The following LDB2 variants were observed in gnomAD, a reference collection of about 807,000 sequenced individuals.
The protein encoded by LDB2 is LIM domain-binding protein 2.
LDB2 carries 12 observed loss-of-function variants against 44.3 expected under a neutral mutation model. The observed-to-expected ratio is 0.27, with a 90% CI of 0.17 to 0.44. The LOEUF is 0.44. Among genes scored for constraint, LDB2 ranks in the 20% least tolerant of loss-of-function variants. The probability of loss-of-function intolerance (pLI) is 1.00; values close to 1 mark genes in which losing one functional copy is unlikely to be tolerated. For missense variants in LDB2, 344 were observed against 473.5 expected, an observed-to-expected ratio of 0.73 and a Z score of 2.54; for synonymous variants, 164 against 174.8, an observed-to-expected ratio of 0.94 and a Z score of 0.49.
At chr4:16,862,633 CAAAAAAAAAAAAAAAAAA>C (rs58157857) in intron 1 of LDB2, among the ~76,000 whole-genome samples, 6 of 45,078 alleles carry the variant, frequency 1.3e-4, no homozygotes, top group African/African-American at 3.7e-4. Context: ...AATTCCATCT[CAAAAAAAAAAAAAAAAAA>C]AAAAAAAAAA....
intron 1 of LDB2, among the ~76,000 whole-genome samples, chr4:16,808,295 T>A (rs1221807403): frequency 6.6e-6 from 1 of 152,118 alleles, no homozygotes; most frequent in African/African-American, 2.4e-5. Flanking sequence ...TAGATATGAT[T>A]TTATTAGTTT....
intron 1 of LDB2, chr4:16,888,678 T>C: frequency 1.0e-6 from 1 of 978,310 alleles, no homozygotes; most frequent in South Asian, 4.7e-5. Flanking sequence ...ACTTACATTA[T>C]TTAATTTGCT....
At chr4:16,525,421 C>G (rs542396199) in intron 5 of LDB2, among the ~76,000 whole-genome samples, 2 of 152,346 alleles carry the variant, frequency 1.3e-5, no homozygotes, top group South Asian at 2.1e-4. Context: ...CAATTGCTCC[C>G]CAGCCATTCC....
intron 5 of LDB2, among the ~76,000 whole-genome samples, chr4:16,537,731 T>C (rs978416936): frequency 3.9e-5 from 6 of 152,128 alleles, no homozygotes; most frequent in African/African-American, 7.2e-5. Context: ...AACTGAGGTG[T>C]AGAACTTATG....
chr4:16,873,512 A>T (rs1272888312), intron 1 of LDB2, among the ~76,000 whole-genome samples: 1 of 152,026 alleles, frequency 6.6e-6, no homozygotes, highest in Non-Finnish European at 1.5e-5. Flanking sequence ...AAAAAAAAAA[A>T]TGTTCTTTGT....
chr4:16,783,485 A>G (rs1773741027), intron 1 of LDB2, among the ~76,000 whole-genome samples: 1 of 152,248 alleles, frequency 6.6e-6, no homozygotes, highest in Non-Finnish European at 1.5e-5. Context: ...ACTTGGTGCC[A>G]TTCATGCCTG....
At chr4:16,578,736 T>A (rs995142135) in intron 5 of LDB2, among the ~76,000 whole-genome samples, 2 of 152,200 alleles carry the variant, frequency 1.3e-5, no homozygotes, top group Admixed American at 6.5e-5. Flanking sequence ...GTCAAAGAGA[T>A]AGCTGCACTC....
chr4:16,791,288 G>A (rs1775647838), intron 1 of LDB2, among the ~76,000 whole-genome samples: 1 of 152,062 alleles, frequency 6.6e-6, no homozygotes, highest in Non-Finnish European at 1.5e-5. Context: ...TGGGCGGGGT[G>A]ACTCACACCT....
chr4:16,578,210 A>G (rs1712603050), intron 5 of LDB2, among the ~76,000 whole-genome samples: 1 of 152,180 alleles, frequency 6.6e-6, no homozygotes. Flanking sequence ...AAAAGAGGTC[A>G]CATCAAGTTA....
chr4:16,716,894 G>A (rs545202064), intron 2 of LDB2, among the ~76,000 whole-genome samples: 10 of 151,914 alleles, frequency 6.6e-5, no homozygotes, highest in Non-Finnish European at 1.0e-4. Flanking sequence ...ATTTTAATGT[G>A]TACTAATCTA....
At chr4:16,592,505 T>TATATACACACACAC (rs757702164) in intron 3 of LDB2, among the ~76,000 whole-genome samples, 2 of 108,056 alleles carry the variant, frequency 1.9e-5, no homozygotes, top group African/African-American at 7.6e-5. Flanking sequence ...TATATATATA[T>TATATACACACACAC]ACACACACAC....
At position 16,734,786 on chromosome 4, in the gene LDB2, G is replaced by A. The variant is rs367881625; in HGVS notation, c.235+24372C>T. On this transcript the variant is annotated intron_variant, in intron 2 of 7. Transcript: ENST00000304523. ...TGCAGTGGCACAATCTCGGCTCACTGCAACCTCCGCCTCCTGGGTTCAAGC... is the reference window on the plus strand; with the variant it reads ...TGCAGTGGCACAATCTCGGCTCACTACAACCTCCGCCTCCTGGGTTCAAGC... Among the ~76,000 whole-genome samples, 97 of 146,678 alleles carry A rather than the reference G, an allele frequency of 6.6e-4. 2 individuals are homozygous for A. In the South Asian group the frequency reaches 0.02, roughly 30 times the overall value.
At chr4:16,693,751 C>A (rs960917077) in intron 2 of LDB2, among the ~76,000 whole-genome samples, 1 of 152,200 alleles carries the variant, frequency 6.6e-6, no homozygotes, top group African/African-American at 2.4e-5. Flanking sequence ...TGCCACTGTG[C>A]AATGCGAATG....
At chr4:16,653,468 T>C (rs1388319476) in intron 2 of LDB2, among the ~76,000 whole-genome samples, 1 of 152,162 alleles carries the variant, frequency 6.6e-6, no homozygotes, top group Non-Finnish European at 1.5e-5. Flanking sequence ...AAAGTAAAAA[T>C]GGCAAAAGTA....
At chr4:16,888,617 T>A (rs1287753319) in intron 1 of LDB2, 2 of 642,988 alleles carry the variant, frequency 3.1e-6, no homozygotes, top group African/African-American at 2.0e-5. Flanking sequence ...TGCAGGCATG[T>A]AAAAAGTATT....
intron 1 of LDB2, among the ~76,000 whole-genome samples, chr4:16,780,058 C>G (rs906098055): frequency 6.6e-6 from 1 of 151,994 alleles, no homozygotes; most frequent in Non-Finnish European, 1.5e-5. Flanking sequence ...GTCACACATG[C>G]TGGGAATAGA....
chr4:16,812,934 G>A (rs779811768), intron 1 of LDB2, among the ~76,000 whole-genome samples: 6 of 151,730 alleles, frequency 4.0e-5, no homozygotes, highest in Non-Finnish European at 7.4e-5. Flanking sequence ...TTACCAATGG[G>A]ACACAGAGCT....
intron 2 of LDB2, among the ~76,000 whole-genome samples, chr4:16,644,084 C>T (rs1223477311): frequency 6.6e-6 from 1 of 152,202 alleles, no homozygotes. Flanking sequence ...CAGCTGTCTA[C>T]GGTCTGACAG....
intron 5 of LDB2, among the ~76,000 whole-genome samples, chr4:16,581,137 A>G (rs987018393): frequency 2.6e-5 from 4 of 152,226 alleles, no homozygotes; most frequent in East Asian, 1.9e-4. Context: ...GGGGAATTCA[A>G]TGAAAGATTC....
Sources: gnomAD v4.1 joint callset for allele counts (sites outside exome capture counted in the v4.1 genomes callset) on GRCh38, gnomAD v4.1.1 for gene constraint, MANE v1.5 for transcripts, NCBI Gene and HGNC (gene_info 2026-07-23, HGNC 2026-07-21) for gene names.